RAD54B: variants seen among roughly 807,000 people sequenced by gnomAD.
The protein encoded by RAD54B is RAD54 homolog B, also known as DNA repair and recombination protein RAD54B.
A neutral mutation model predicts 95.8 loss-of-function variants in RAD54B; 78 were observed. The observed-to-expected ratio is 0.81, with a 90% CI of 0.68 to 0.98. The LOEUF is 0.98. Among genes scored for constraint, RAD54B ranks in the 50% least tolerant of loss-of-function variants. RAD54B has a pLI of 0.00. For missense variants in RAD54B, 957 were observed against 1,056.6 expected, an observed-to-expected ratio of 0.91 and a Z score of 1.31; for synonymous variants, 328 against 354.9, an observed-to-expected ratio of 0.92 and a Z score of 0.85.
chr8:94,432,513 C>A, intron 3 of RAD54B: 1 of 1,550,644 alleles, frequency 6.4e-7, no homozygotes, highest in Non-Finnish European at 8.7e-7. Flanking sequence ...TAAAGTATCA[C>A]TCTGTTGAGA....
chr8:94,458,315 T>C lies in RAD54B; in HGVS notation c.257A>G (p.Tyr86Cys). 6.2e-7 allele frequency: 1 copy of C among 1,610,130 alleles called. No homozygotes were observed. The highest frequency in any genetic ancestry group is 1.7e-5 in the Admixed American group (1 of 59,340). ...TGCCAGTGTAGGTGCTTCAAAACAATATTTTCCACTGCAATTATCTCTGTT... is the reference window on the plus strand; with the variant it reads ...TGCCAGTGTAGGTGCTTCAAAACAACATTTTCCACTGCAATTATCTCTGTT... ...INNRDNCSGK[Y>C]CFEAPTLATL... The change falls in exon 3 of 15, where the codon TAT becomes TGT. Residue 86 changes from tyrosine (Y) to cysteine (C), a missense_variant. Tyr to Cys is a radical substitution (Grantham distance 194). Transcript: ENST00000336148.
chr8:94,383,741 C>T (rs923519726), intron 11 of RAD54B, among the ~76,000 whole-genome samples: 7 of 151,536 alleles, frequency 4.6e-5, no homozygotes, highest in African/African-American at 1.7e-4. Context: ...TGGGGATTCC[C>T]AAGGATAAGA....
At chr8:94,435,612 G>T (rs972595797) in intron 3 of RAD54B, among the ~76,000 whole-genome samples, 1 of 151,986 alleles carries the variant, frequency 6.6e-6, no homozygotes. Context: ...TTTGCCAGAG[G>T]TTACAATCTG....
intron 3 of RAD54B, among the ~76,000 whole-genome samples, chr8:94,448,211 G>T (rs984472420): frequency 6.6e-6 from 1 of 151,924 alleles, no homozygotes; most frequent in African/African-American, 2.4e-5. Flanking sequence ...CTATAGTTTT[G>T]GGTTTTTTTT....
At position 94,404,327 on chromosome 8, in the gene RAD54B, G is replaced by A. The variant is rs895813054; in HGVS notation, c.782-88C>T. 3.2e-6 allele frequency: 4 copies of A among 1,266,038 alleles called. No homozygotes were observed. In the African/African-American group the frequency reaches 6.2e-5, roughly 19 times the overall value. 78.4% of individuals were successfully genotyped at this position (1,266,038 alleles called of 1,614,324 possible). A position where few individuals can be genotyped will look rare whatever the true frequency, so the allele number is the denominator to read the frequency against. On this transcript the variant is annotated intron_variant, in intron 5 of 14. Coordinates refer to ENST00000336148, the MANE Select transcript of RAD54B (RefSeq NM_012415.3). ...GTTTTCATTACCCTAAGATAGAAAT[G>A]TTTGCCATCATTTGTGGCCAAAAAA... is the stretch of plus-strand genomic sequence containing the variant.
intron 3 of RAD54B, chr8:94,430,043 G>A: frequency 3.0e-6 from 3 of 984,806 alleles, no homozygotes; most frequent in Non-Finnish European, 3.6e-6. Context: ...GCTGGGCACG[G>A]TGGCTCAAGC....
At chr8:94,393,033 A>C (rs1811059506) in intron 9 of RAD54B, among the ~76,000 whole-genome samples, 2 of 149,670 alleles carry the variant, frequency 1.3e-5, no homozygotes, top group East Asian at 4.1e-4. Flanking sequence ...CATGTTGGCC[A>C]GGATGGTCTC....
chr8:94,419,485 G>A (rs1811751707), intron 3 of RAD54B, among the ~76,000 whole-genome samples: 1 of 151,952 alleles, frequency 6.6e-6, no homozygotes, highest in African/African-American at 2.4e-5. Context: ...TCTAGCCTGG[G>A]CAACAAGAGC....
At chr8:94,462,634 T>C (rs1812933832) in intron 2 of RAD54B, among the ~76,000 whole-genome samples, 1 of 152,078 alleles carries the variant, frequency 6.6e-6, no homozygotes, top group Non-Finnish European at 1.5e-5. Context: ...CAATCTAAGA[T>C]AAGAAATAGT....
Position 94,404,155 on chromosome 8 carries a change from T to C in RAD54B, c.866A>G (p.Asp289Gly). Residue 289 changes from aspartate to glycine, a missense_variant, in exon 6 of 15, where the codon GAT (aspartate) becomes GGT (glycine). Physicochemically the swap from Asp to Gly is moderately conservative, Grantham distance 94. Transcript: ENST00000336148. Reference protein sequence around the residue: ...NCFPLVDVVIDPYLVYHLRPH... With the variant: ...NCFPLVDVVIGPYLVYHLRPH... The stretch of plus-strand genomic sequence containing the variant: ...TCGAAGATGATATACAAGGTAAGGA[T>C]CAATCACTACATCCACAAGAGGGAA... 1.2e-6 allele frequency: 2 copies of C among 1,611,084 alleles called. No homozygotes were observed.
chr8:94,453,918 A>G (rs1333105843), intron 3 of RAD54B, among the ~76,000 whole-genome samples: 1 of 151,962 alleles, frequency 6.6e-6, no homozygotes, highest in Non-Finnish European at 1.5e-5. Context: ...CAGCCTCCCA[A>G]GTAGCTGGGA....
chr8:94,432,675 C>A, intron 3 of RAD54B: 1 of 1,459,008 alleles, frequency 6.9e-7, no homozygotes, highest in Non-Finnish European at 9.1e-7. Flanking sequence ...CACAAAAAAG[C>A]ATTATAATAT....
chr8:94,430,310 CAAA>C (rs60634729), intron 3 of RAD54B: 2,150 of 861,558 alleles, frequency 2.5e-3, no homozygotes, highest in Middle Eastern at 3.1e-3. Context: ...GACTCCATCT[CAAA>C]AAAAAAAAAA....
At position 94,404,228 on chromosome 8, in the gene RAD54B, T is replaced by C; in HGVS notation, c.793A>G (p.Met265Val). The C allele has an allele frequency of 1.9e-6, 3 of 1,588,614 alleles. No homozygotes were observed. Among genetic ancestry groups the C allele is most frequent in the Non-Finnish European group, 2.6e-6 (3 of 1,172,004 alleles). ...TGGTGATTCTTATCTGGTCGTGGCA[T>C]AACGAGGGAATCTTAAAAAATGATA... is the stretch of plus-strand genomic sequence containing the variant. ...HDPYTPNSLVMPRPDKNHQWV... is the reference protein window; with the variant it reads ...HDPYTPNSLVVPRPDKNHQWV... Residue 265 changes from methionine (M) to valine (V), a missense_variant, in exon 6 of 15, where the codon ATG becomes GTG. Coordinates refer to ENST00000336148, the MANE Select transcript of RAD54B (RefSeq NM_012415.3).
chr8:94,441,888 G>C (rs560498209), intron 3 of RAD54B, among the ~76,000 whole-genome samples: 1 of 152,118 alleles, frequency 6.6e-6, no homozygotes, highest in Non-Finnish European at 1.5e-5. Context: ...GGGGTCAAAG[G>C]CCAAACATAT....
intron 3 of RAD54B, chr8:94,430,188 G>A (rs1163493894): frequency 1.2e-5 from 7 of 606,278 alleles, no homozygotes; most frequent in Middle Eastern, 8.4e-4. Flanking sequence ...TGGTGCGCCT[G>A]TAGTCCCAGC....
chr8:94,454,646 A>G (rs1049014481), intron 3 of RAD54B, among the ~76,000 whole-genome samples: 1 of 152,212 alleles, frequency 6.6e-6, no homozygotes, highest in East Asian at 1.9e-4. Context: ...TTCATTCACC[A>G]TCCCTATTTG....
chr8:94,400,530 A>G (rs1819089136), intron 6 of RAD54B, 67 bp from the exon 7 acceptor site: 1 of 1,302,146 alleles, frequency 7.7e-7, no homozygotes, highest in East Asian at 2.5e-5. Flanking sequence ...AAAATCATCA[A>G]GAACCAGAAA....
chr8:94,423,540 G>A (rs1234954054), intron 3 of RAD54B, among the ~76,000 whole-genome samples: 1 of 152,184 alleles, frequency 6.6e-6, no homozygotes, highest in Non-Finnish European at 1.5e-5. Flanking sequence ...TCTACCAAAT[G>A]AAGTTTTACT....
Sources: gnomAD v4.1 joint callset for allele counts (sites outside exome capture counted in the v4.1 genomes callset) on GRCh38, gnomAD v4.1.1 for gene constraint, MANE v1.5 for transcripts, NCBI Gene and HGNC (gene_info 2026-07-23, HGNC 2026-07-21) for gene names.